The following ARMC6 variants were observed in gnomAD, a reference collection of about 807,000 sequenced individuals.
ARMC6 encodes the protein armadillo repeat-containing protein 6.
A neutral mutation model predicts 49.2 loss-of-function variants in ARMC6; 43 were observed. That is an observed-to-expected ratio of 0.87 (90% CI 0.69 to 1.13). ARMC6 has a LOEUF of 1.13. Among genes scored for constraint, ARMC6 ranks in the 50% most tolerant of loss-of-function variants. The pLI is 0.00. For synonymous variants in ARMC6, 262 were observed against 289.6 expected, an observed-to-expected ratio of 0.90 and a Z score of 0.97; for missense variants, 627 against 682.0, an observed-to-expected ratio of 0.92 and a Z score of 0.90.
At chr19:19,043,591 G>C (rs929875669) in intron 3 of ARMC6, among the ~76,000 whole-genome samples, 2 of 152,122 alleles carry the variant, frequency 1.3e-5, no homozygotes, top group African/African-American at 2.4e-5. Context: ...CACTGTAGGG[G>C]CTCCCTGTGG....
chr19:19,034,320 C>T (rs1315439186), intron 2 of ARMC6, 82 bp downstream of exon 2: 1 of 1,495,518 alleles, frequency 6.7e-7, no homozygotes, highest in Non-Finnish European at 9.0e-7. Flanking sequence ...TGAAGGCTGT[C>T]TCTTGAGTGC....
At chr19:19,053,271 T>C (rs2059514001) in intron 5 of ARMC6, among the ~76,000 whole-genome samples, 1 of 152,170 alleles carries the variant, frequency 6.6e-6, no homozygotes, top group African/African-American at 2.4e-5. Context: ...AAGGATTGTT[T>C]GGGCCCAGGA....
At chr19:19,043,832 G>A (rs944320127) in intron 3 of ARMC6, among the ~76,000 whole-genome samples, 160 bp from the exon 4 acceptor site, 3 of 152,102 alleles carry the variant, frequency 2.0e-5, no homozygotes, top group Admixed American at 6.5e-5. Context: ...CTACACCCCC[G>A]TGATGATGTG....
intron 5 of ARMC6, 47 bp downstream of exon 5, chr19:19,052,242 C>G: frequency 6.7e-7 from 1 of 1,497,984 alleles, no homozygotes; most frequent in Non-Finnish European, 8.9e-7. Context: ...GTGGGCGGGT[C>G]AGATGTGACC....
chr19:19,037,062 T>C (rs1321329759), intron 2 of ARMC6, among the ~76,000 whole-genome samples: 2 of 152,190 alleles, frequency 1.3e-5, no homozygotes, highest in African/African-American at 4.8e-5. Context: ...GGCGTGGGCC[T>C]GTAGTCTCAG....
Position 19,057,491 on chromosome 19 carries a change from G to A in ARMC6, c.1369G>A (p.Ala457Thr), listed in dbSNP as rs1473474840. Residue 457 changes from alanine to threonine, a missense_variant, in exon 9 of 9, where the codon GCT (alanine) becomes ACT (threonine). By Grantham distance (58) the Ala-to-Thr change is moderately conservative (BLOSUM62 0). Transcript: ENST00000535612. ...AFSKPILDLG[A>T]EALIMQARSA... ...CTCGAAGCCCATCCTGGACCTGGGG[G>A]CTGAGGCACTCATCATGCAGGCCCG... The A allele has an allele frequency of 6.8e-6, 11 of 1,613,982 alleles. No individual in the cohort carries two copies. Among genetic ancestry groups the A allele is most frequent in the Middle Eastern group, 1.7e-4 (1 of 6,060 alleles).
At chr19:19,054,026 G>A in intron 5 of ARMC6, 126 bp from the exon 6 acceptor site, 6 of 933,826 alleles carry the variant, frequency 6.4e-6, no homozygotes, top group Non-Finnish European at 7.4e-6. Context: ...GGCCTTCCTG[G>A]TGCCCGTGGC....
Position 19,057,791 on chromosome 19 carries a change from A to C in ARMC6, c.*163A>C. 1.2e-6 allele frequency: 1 copy of C among 821,874 alleles called. No individual in the cohort carries two copies. 50.9% of individuals were successfully genotyped at this position (821,874 alleles called of 1,614,324 possible). On this transcript the variant is annotated 3_prime_UTR_variant, in exon 9 of 9. Coordinates refer to ENST00000535612, the MANE Select transcript of ARMC6 (RefSeq NM_001199196.2). ...GGGTCGGGGGAGGGGGGAGCCTTGT[A>C]GGGAGGCCTCTACACAGAAGAAAGC...
At chr19:19,046,289 C>A (rs921866984) in intron 4 of ARMC6, among the ~76,000 whole-genome samples, 3 of 151,850 alleles carry the variant, frequency 2.0e-5, no homozygotes, top group Admixed American at 2.0e-4. Context: ...CTCCACCTCC[C>A]AGGTTCATGC....
At position 19,055,467 on chromosome 19, in the gene ARMC6, A is replaced by G. The variant is rs28380085; in HGVS notation, c.1155+71A>G. On this transcript the variant is annotated intron_variant, in intron 7 of 8. Coordinates refer to ENST00000535612, the MANE Select transcript of ARMC6 (RefSeq NM_001199196.2). This position sits in a 1 kb window ranked among gnomAD's most constrained non-coding sequence, Gnocchi z 5.7. ...GTCCCAGTTCAGTTTCTGTATCTGC[A>G]TGAAGCTCTATTCCCCTGCAGGGCC... 6,852 of 1,523,416 alleles carry G rather than the reference A, an allele frequency of 4.5e-3. 248 individuals carry two copies. The African/African-American group carries it at 0.083, about 18-fold the overall frequency. 94.4% of individuals were successfully genotyped at this position (1,523,416 alleles called of 1,614,324 possible). A position where few individuals can be genotyped will look rare whatever the true frequency, so the allele number is the denominator to read the frequency against.
chr19:19,057,782 G>C lies in ARMC6; in HGVS notation c.*154G>C. 2.4e-6 allele frequency: 2 copies of C among 840,738 alleles called. No homozygotes were observed. The highest frequency in any genetic ancestry group is 2.0e-6 in the Non-Finnish European group (1 of 494,732). The allele number at this position is 840,738 out of a possible 1,614,324, so 52.1% of individuals were successfully genotyped here. On this transcript the variant is annotated 3_prime_UTR_variant, in exon 9 of 9. Coordinates refer to ENST00000535612, the MANE Select transcript of ARMC6 (RefSeq NM_001199196.2). ...CTAGGTAAAGGGTCGGGGGAGGGGG[G>C]AGCCTTGTAGGGAGGCCTCTACACA...
intron 2 of ARMC6, among the ~76,000 whole-genome samples, chr19:19,038,592 T>A (rs1183877309): frequency 6.6e-6 from 1 of 152,192 alleles, no homozygotes; most frequent in African/African-American, 2.4e-5. Context: ...TTATTTATTT[T>A]TTGAGACGAA....
intron 2 of ARMC6, among the ~76,000 whole-genome samples, chr19:19,042,446 T>C (rs1324954858): frequency 6.6e-6 from 1 of 152,118 alleles, no homozygotes; most frequent in African/African-American, 2.4e-5. Flanking sequence ...CCTCCCAGGC[T>C]CAAGTGATCC....
At chr19:19,036,123 G>T (rs1367359050) in intron 2 of ARMC6, among the ~76,000 whole-genome samples, 2 of 152,044 alleles carry the variant, frequency 1.3e-5, no homozygotes, top group Non-Finnish European at 2.9e-5. Context: ...GTGCAATGGC[G>T]CAATCTTGGC....
At position 19,051,839 on chromosome 19, in the gene ARMC6, C is replaced by A. The variant is rs762108842; in HGVS notation, c.497C>A (p.Thr166Asn). 1 of 1,614,034 alleles carries A rather than the reference C, an allele frequency of 6.2e-7. No individual in the cohort carries two copies. Among genetic ancestry groups the A allele is most frequent in the Non-Finnish European group, 8.5e-7 (1 of 1,180,038 alleles). ...LQSLNALSVLTDGQPDLLDAQ... is the reference protein window; with the variant it reads ...LQSLNALSVLNDGQPDLLDAQ... The stretch of plus-strand genomic sequence containing the variant: ...TCCCTCAATGCCCTGTCGGTGCTGA[C>A]TGATGGACAGCCAGACCTCCTGGAT... Residue 166 changes from threonine (T) to asparagine (N), a missense_variant, in exon 5 of 9, where the codon ACT (threonine) becomes AAT (asparagine). By Grantham distance (65) the Thr-to-Asn change is moderately conservative. Transcript: ENST00000535612.
chr19:19,051,656 C>T lies in ARMC6; in HGVS notation c.314C>T (p.Ser105Phe). 1 of 1,610,394 alleles carries T rather than the reference C, an allele frequency of 6.2e-7. No homozygotes were observed. Among genetic ancestry groups the T allele is most frequent in the Non-Finnish European group, 8.5e-7 (1 of 1,178,146 alleles). Residue 105 changes from serine to phenylalanine, a missense_variant, in exon 5 of 9, where the codon TCT becomes TTT. Coordinates refer to ENST00000535612, the MANE Select transcript of ARMC6 (RefSeq NM_001199196.2). ...GACCTCCAGGAGTCTGTGGCCAGCT[C>T]TCGCCCCCAGGAGGTGTCAGCATAC... ...LSDLQESVAS[S>F]RPQEVSAYLT...
chr19:19,055,701 A>T lies in ARMC6; in HGVS notation c.1156-90A>T. ...CAGAGACCCACGGAGGGGAGGCCGC[A>T]GGGTGTTCACCAGGGGTTGGTGGCC... is the stretch of plus-strand genomic sequence containing the variant. On this transcript the variant is annotated intron_variant, in intron 7 of 8. Coordinates refer to ENST00000535612, the MANE Select transcript of ARMC6 (RefSeq NM_001199196.2). The surrounding 1 kb of genome is among the most constrained non-coding windows in gnomAD (Gnocchi z 5.7). 2.0e-6 allele frequency: 3 copies of T among 1,486,564 alleles called. No individual in the cohort carries two copies. The highest frequency in any genetic ancestry group is 2.7e-6 in the Non-Finnish European group (3 of 1,111,980). 92.1% of individuals were successfully genotyped at this position (1,486,564 alleles called of 1,614,324 possible). A position where few individuals can be genotyped will look rare whatever the true frequency, so the allele number is the denominator to read the frequency against.
chr19:19,046,747 G>A (rs553282353), intron 4 of ARMC6, among the ~76,000 whole-genome samples: 13 of 152,040 alleles, frequency 8.6e-5, no homozygotes, highest in African/African-American at 2.7e-4. Context: ...TGCCTGCCTC[G>A]GCCTCCCAAA....
chr19:19,054,399 C>T (rs1401301772), intron 6 of ARMC6, 78 bp downstream of exon 6: 15 of 1,354,534 alleles, frequency 1.1e-5, no homozygotes, highest in Admixed American at 3.0e-5. Context: ...CAGAACAAGC[C>T]AGCCCTGCCT....
Sources: gnomAD v4.1 joint callset for allele counts (sites outside exome capture counted in the v4.1 genomes callset) on GRCh38, gnomAD v4.1.1 for gene constraint, Gnocchi (gnomAD v3.1) non-coding constraint, MANE v1.5 for transcripts, NCBI Gene and HGNC (gene_info 2026-07-23, HGNC 2026-07-21) for gene names.